Variants in FOXK2 observed in about 807,000 individuals in gnomAD.
FOXK2 encodes the protein forkhead box protein K2.
Under a neutral mutation model 53.3 loss-of-function variants are expected in FOXK2, and 24 were observed. That is an observed-to-expected ratio of 0.45 (90% CI 0.33 to 0.63). The LOEUF is 0.63. Among genes scored for constraint, FOXK2 ranks in the 30% least tolerant of loss-of-function variants. The pLI is 0.03. For missense variants in FOXK2, 952 were observed against 910.5 expected (o/e 1.05, Z -0.59); for synonymous variants, 505 against 407.1 (o/e 1.24, Z -2.89).
At chr17:82,586,996 T>C (rs1325153472) in intron 7 of FOXK2, 67 bp from the exon 8 acceptor site, 22 of 1,507,700 alleles carry the variant, frequency 1.5e-5, no homozygotes, top group South Asian at 5.6e-5. Flanking sequence ...TTATTATGTT[T>C]TAAACTGGCA....
intron 5 of FOXK2, among the ~76,000 whole-genome samples, chr17:82,583,633 T>TA (rs2045093108): frequency 1.4e-5 from 2 of 147,678 alleles, no homozygotes; most frequent in Non-Finnish European, 3.0e-5. Flanking sequence ...TACTTATTTT[T>TA]AGCTTCACTA....
At position 82,588,467 on chromosome 17, in the gene FOXK2, T is replaced by A. The variant is rs57666516; in HGVS notation, c.1786+1195T>A. ...GTTGGAGGGCTGGCGGTTGGAGGGCTGGCGGTTGGAGGGCAGGCGGTTGGA... is the reference window on the plus strand; with the variant it reads ...GTTGGAGGGCTGGCGGTTGGAGGGCAGGCGGTTGGAGGGCAGGCGGTTGGA... On this transcript the variant is annotated intron_variant, in intron 8 of 8. Coordinates refer to ENST00000335255, the MANE Select transcript of FOXK2 (RefSeq NM_004514.4). The A allele has an allele frequency of 8.0e-4, 88 of 110,386 alleles. No individual in the cohort carries two copies. In the East Asian group the frequency reaches 0.02, roughly 25 times the overall value. The allele number at this position is 110,386 out of a possible 1,614,324, so 6.8% of individuals were successfully genotyped here.
At chr17:82,543,313 G>C (rs1350051356) in intron 1 of FOXK2, among the ~76,000 whole-genome samples, 3 of 152,192 alleles carry the variant, frequency 2.0e-5, no homozygotes, top group African/African-American at 7.2e-5. Context: ...TGTCAGTGGT[G>C]CAGTCATAGC....
chr17:82,538,805 C>A (rs1396795107), intron 1 of FOXK2, among the ~76,000 whole-genome samples: 1 of 152,184 alleles, frequency 6.6e-6, no homozygotes, highest in Non-Finnish European at 1.5e-5. Flanking sequence ...TGAGGCCCAG[C>A]CCAGAGAAGG....
At chr17:82,577,585 G>A (rs1423230859) in intron 4 of FOXK2, among the ~76,000 whole-genome samples, 5 of 152,186 alleles carry the variant, frequency 3.3e-5, no homozygotes, top group East Asian at 1.9e-4. Flanking sequence ...CCGACACTGC[G>A]GGCCAAGGTC....
intron 1 of FOXK2, among the ~76,000 whole-genome samples, chr17:82,551,800 C>T (rs10852797): frequency 0.22 from 33,756 of 152,194 alleles, 4,170 homozygotes; most frequent in Non-Finnish European, 0.28. Context: ...TTGTCTTAAA[C>T]GGTCTTCAGC....
chr17:82,561,905 T>TGG (rs10558425), intron 1 of FOXK2, among the ~76,000 whole-genome samples: 5 of 138,762 alleles, frequency 3.6e-5, no homozygotes, highest in African/African-American at 1.3e-4. Context: ...CTTCCTCTGT[T>TGG]GGGGGGGGGG....
intron 1 of FOXK2, among the ~76,000 whole-genome samples, chr17:82,524,640 C>T (rs949871730): frequency 2.6e-5 from 4 of 152,140 alleles, no homozygotes; most frequent in East Asian, 1.9e-4. Context: ...TCTTCAAGTC[C>T]TTGATTTTTG....
At chr17:82,523,429 A>G (rs2044386615) in intron 1 of FOXK2, among the ~76,000 whole-genome samples, 1 of 152,118 alleles carries the variant, frequency 6.6e-6, no homozygotes, top group African/African-American at 2.4e-5. Flanking sequence ...AATAAATCAT[A>G]AAGAATTGGT....
At position 82,543,117 on chromosome 17, in the gene FOXK2, A is replaced by G. The variant is rs569389485; in HGVS notation, c.420-20237A>G. Among the ~76,000 whole-genome samples, 2 of 152,332 alleles carry G rather than the reference A, an allele frequency of 1.3e-5. 1 individual carries two copies. The highest frequency in any genetic ancestry group is 3.9e-4 in the East Asian group (2 of 5,194). ...GGCCAGTGGGTCCTCAGCAGAGGAC[A>G]TTTCCCACGTGGGGGTTTCGTTTGA... On this transcript the variant is annotated intron_variant, in intron 1 of 8. Coordinates refer to ENST00000335255, the MANE Select transcript of FOXK2 (RefSeq NM_004514.4).
intron 2 of FOXK2, among the ~76,000 whole-genome samples, chr17:82,567,293 T>C (rs981446731): frequency 1.2e-4 from 19 of 152,252 alleles, no homozygotes; most frequent in Non-Finnish European, 2.2e-4. Flanking sequence ...TGGCTCGTTC[T>C]TTTTATTGAA....
At chr17:82,523,709 T>A (rs1486620804) in intron 1 of FOXK2, among the ~76,000 whole-genome samples, 1 of 152,000 alleles carries the variant, frequency 6.6e-6, no homozygotes, top group Admixed American at 6.6e-5. Context: ...ACTCCTGACC[T>A]CAGGTGATCT....
At chr17:82,553,410 G>T (rs1599893787) in intron 1 of FOXK2, among the ~76,000 whole-genome samples, 1 of 152,250 alleles carries the variant, frequency 6.6e-6, no homozygotes, top group South Asian at 2.1e-4. Flanking sequence ...TTCTGTGCTT[G>T]CCTCTCAGAG....
At chr17:82,581,437 C>T (rs1461929384) in intron 4 of FOXK2, among the ~76,000 whole-genome samples, 1 of 150,910 alleles carries the variant, frequency 6.6e-6, no homozygotes, top group Admixed American at 6.6e-5. Context: ...GTAGCTGGGA[C>T]TACAGGTGTG....
At chr17:82,581,700 C>T (rs1421421545) in intron 4 of FOXK2, among the ~76,000 whole-genome samples, 2 of 152,266 alleles carry the variant, frequency 1.3e-5, no homozygotes, top group East Asian at 3.9e-4. Flanking sequence ...TGGTCTCGAT[C>T]TCCTGACCTC....
intron 1 of FOXK2, among the ~76,000 whole-genome samples, chr17:82,530,445 TAAAA>T (rs919452670): frequency 3.8e-5 from 3 of 78,874 alleles, no homozygotes; most frequent in Non-Finnish European, 7.0e-5. Flanking sequence ...AAACTCCATC[TAAAA>T]AAAAAAAAAA....
chr17:82,530,997 T>A (rs1207260458), intron 1 of FOXK2, among the ~76,000 whole-genome samples: 1 of 152,204 alleles, frequency 6.6e-6, no homozygotes, highest in Non-Finnish European at 1.5e-5. Context: ...AAGATGTGGT[T>A]TAAATATAAA....
chr17:82,585,659 G>A (rs540933621), intron 6 of FOXK2, among the ~76,000 whole-genome samples: 42 of 152,170 alleles, frequency 2.8e-4, no homozygotes, highest in Admixed American at 2.4e-3. Flanking sequence ...GTGGGAAGAG[G>A]GGTTACCAGA....
chr17:82,536,399 C>T (rs1453140748), intron 1 of FOXK2, among the ~76,000 whole-genome samples: 1 of 152,212 alleles, frequency 6.6e-6, no homozygotes, highest in Non-Finnish European at 1.5e-5. Context: ...TCAGATTCTT[C>T]TCCTTTCCTT....
Sources: gnomAD v4.1 joint callset for allele counts (sites outside exome capture counted in the v4.1 genomes callset) on GRCh38, gnomAD v4.1.1 for gene constraint, MANE v1.5 for transcripts, NCBI Gene and HGNC (gene_info 2026-07-23, HGNC 2026-07-21) for gene names.